FSTL5: variants seen among roughly 807,000 people sequenced by gnomAD.
FSTL5 encodes follistatin like 5.
A neutral mutation model predicts 89.1 loss-of-function variants in FSTL5; 62 were observed. The observed-to-expected ratio is 0.70, with a 90% confidence interval of 0.57 to 0.86. The LOEUF (loss-of-function observed/expected upper bound fraction) is 0.86, where lower values mean the gene tolerates loss of function less well. Ranked by LOEUF, FSTL5 falls within the 40% of genes least tolerant of loss-of-function variation. The probability of loss-of-function intolerance (pLI) is 0.00; values close to 1 mark genes in which losing one functional copy is unlikely to be tolerated. For missense variants in FSTL5, 1,057 were observed against 1,001.6 expected (o/e 1.06, Z -0.75); for synonymous variants, 383 against 346.2 (o/e 1.11, Z -1.18).
chr4:161,442,180 C>T (rs570995671), intron 15 of FSTL5, among the ~76,000 whole-genome samples: 1 of 147,152 alleles, frequency 6.8e-6, no homozygotes, highest in East Asian at 2.0e-4. Context: ...TCAGCAGAGG[C>T]CAAAAACCAC....
At chr4:161,990,801 C>A (rs1736089988) in intron 3 of FSTL5, among the ~76,000 whole-genome samples, 1 of 152,052 alleles carries the variant, frequency 6.6e-6, no homozygotes, top group South Asian at 2.1e-4. Context: ...ACAGCTCACT[C>A]CTGAACTCTC....
At chr4:161,745,806 G>C (rs1740180991) in intron 6 of FSTL5, among the ~76,000 whole-genome samples, 1 of 151,960 alleles carries the variant, frequency 6.6e-6, no homozygotes, top group African/African-American at 2.4e-5. Flanking sequence ...TGCTAATATA[G>C]ATAGTTCTTA....
At chr4:161,560,662 T>C (rs888896124) in intron 8 of FSTL5, among the ~76,000 whole-genome samples, 1 of 151,936 alleles carries the variant, frequency 6.6e-6, no homozygotes, top group Non-Finnish European at 1.5e-5. Flanking sequence ...AGTTGAGCCC[T>C]ACACAGGGTC....
intron 6 of FSTL5, among the ~76,000 whole-genome samples, chr4:161,714,385 C>G (rs948757498): frequency 1.3e-5 from 2 of 152,114 alleles, no homozygotes; most frequent in African/African-American, 4.8e-5. Flanking sequence ...TTATTTAATT[C>G]TGCTTCTATT....
At chr4:161,703,843 T>A (rs1384323282) in intron 6 of FSTL5, among the ~76,000 whole-genome samples, 1 of 152,320 alleles carries the variant, frequency 6.6e-6, no homozygotes, top group East Asian at 1.9e-4. Context: ...ATTCCATTTA[T>A]ATTTCATCTT....
intron 6 of FSTL5, among the ~76,000 whole-genome samples, chr4:161,667,554 T>A (rs2126694241): frequency 6.6e-6 from 1 of 152,212 alleles, no homozygotes; most frequent in Admixed American, 6.5e-5. Context: ...AAGTTTAAAA[T>A]CTCATTACAA....
At chr4:161,694,916 T>C (rs764706009) in intron 6 of FSTL5, among the ~76,000 whole-genome samples, 10 of 150,798 alleles carry the variant, frequency 6.6e-5, no homozygotes, top group Admixed American at 1.3e-4. Flanking sequence ...TTTATTCAAT[T>C]ATCACTCCAG....
At chr4:162,139,707 A>G (rs1732652301) in intron 1 of FSTL5, among the ~76,000 whole-genome samples, 1 of 152,160 alleles carries the variant, frequency 6.6e-6, no homozygotes, top group African/African-American at 2.4e-5. Context: ...CCATACTATG[A>G]AACTTTTAAA....
At chr4:161,972,526 C>G (rs949546880) in intron 3 of FSTL5, among the ~76,000 whole-genome samples, 12 of 152,276 alleles carry the variant, frequency 7.9e-5, no homozygotes, top group African/African-American at 2.9e-4. Flanking sequence ...TGGTAAGGAA[C>G]TGAGGATGCC....
At chr4:162,068,928 C>T (rs193139779) in intron 2 of FSTL5, among the ~76,000 whole-genome samples, 4 of 152,012 alleles carry the variant, frequency 2.6e-5, no homozygotes, top group East Asian at 1.9e-4. Flanking sequence ...TTGTGGCCAA[C>T]AAGCATTTGA....
At chr4:162,124,490 AC>A (rs1230820804) in intron 1 of FSTL5, among the ~76,000 whole-genome samples, 1 of 152,092 alleles carries the variant, frequency 6.6e-6, no homozygotes, top group East Asian at 1.9e-4. Flanking sequence ...AGTGAAGTGT[AC>A]CTCCCTTCCT....
At chr4:161,932,174 T>A (rs1194515167) in intron 3 of FSTL5, among the ~76,000 whole-genome samples, 6 of 151,992 alleles carry the variant, frequency 3.9e-5, no homozygotes, top group Admixed American at 3.3e-4. Flanking sequence ...AATTCTTGCC[T>A]GTAAATTTAA....
chr4:161,671,381 T>A (rs183950555), intron 6 of FSTL5, among the ~76,000 whole-genome samples: 3 of 152,182 alleles, frequency 2.0e-5, no homozygotes, highest in Non-Finnish European at 4.4e-5. Flanking sequence ...CTTACTGTTA[T>A]TGCCTCTGTT....
intron 1 of FSTL5, among the ~76,000 whole-genome samples, chr4:162,147,634 T>G (rs1733053781): frequency 6.6e-6 from 1 of 152,218 alleles, no homozygotes. Context: ...TTTACTATCT[T>G]TTCTTTGAAG....
intron 10 of FSTL5, among the ~76,000 whole-genome samples, chr4:161,525,442 C>T (rs1731184449): frequency 6.6e-6 from 1 of 152,098 alleles, no homozygotes; most frequent in Admixed American, 6.6e-5. Context: ...AGGTAATACT[C>T]CGTTGGTGTT....
At chr4:161,886,312 G>A (rs1220156660) in intron 4 of FSTL5, among the ~76,000 whole-genome samples, 4 of 152,194 alleles carry the variant, frequency 2.6e-5, no homozygotes, top group African/African-American at 9.6e-5. Context: ...CATAGGAAAA[G>A]CTGCTAGTAG....
intron 1 of FSTL5, among the ~76,000 whole-genome samples, chr4:162,133,475 C>T (rs77235625): frequency 0.01 from 1,581 of 152,156 alleles, 31 homozygotes; most frequent in African/African-American, 0.036. Context: ...ACTTTCAATG[C>T]TTTCTTTCTC....
At chr4:161,716,578 C>T (rs941540790) in intron 6 of FSTL5, among the ~76,000 whole-genome samples, 3 of 152,070 alleles carry the variant, frequency 2.0e-5, no homozygotes, top group African/African-American at 7.2e-5. Context: ...GCCTGGGCAA[C>T]AGAGCGAAAC....
intron 2 of FSTL5, among the ~76,000 whole-genome samples, chr4:162,101,550 T>C (rs932015437): frequency 5.9e-5 from 9 of 152,134 alleles, no homozygotes. Context: ...AACTTAAAAA[T>C]CTCTGCCTCT....
Sources: gnomAD v4.1 joint callset for allele counts (sites outside exome capture counted in the v4.1 genomes callset) on GRCh38, gnomAD v4.1.1 for gene constraint, MANE v1.5 for transcripts, NCBI Gene and HGNC (gene_info 2026-07-23, HGNC 2026-07-21) for gene names.